The following VCPIP1 variants were observed in gnomAD, a reference collection of about 807,000 sequenced individuals.
VCPIP1 encodes deubiquitinating protein VCPIP1.
In VCPIP1, 8 loss-of-function variants were observed where a neutral mutation model predicts 85.0. The observed-to-expected ratio is 0.09, with a 90% confidence interval of 0.06 to 0.17. VCPIP1 has a LOEUF of 0.17. Ranked by LOEUF, VCPIP1 falls within the 10% of genes least tolerant of loss-of-function variation. The pLI, the probability that VCPIP1 is intolerant of heterozygous loss-of-function variation, is 1.00. For synonymous variants in VCPIP1, 543 were observed against 544.5 expected (o/e 1.00, Z 0.04); for missense variants, 1,070 against 1,486.3 (o/e 0.72, Z 4.61).
At chr8:66,641,481 C>G (rs2130153420) in intron 2 of VCPIP1, among the ~76,000 whole-genome samples, 1 of 152,254 alleles carries the variant, frequency 6.6e-6, no homozygotes, top group East Asian at 1.9e-4. Context: ...TCCACCTCAG[C>G]CTCCCAGTGC....
At chr8:66,641,006 G>A (rs894796159) in intron 2 of VCPIP1, among the ~76,000 whole-genome samples, 6 of 152,212 alleles carry the variant, frequency 3.9e-5, no homozygotes, top group African/African-American at 1.4e-4. Flanking sequence ...AGGGCACACT[G>A]TTAACACATG....
chr8:66,637,069 G>A (rs149396832), intron 2 of VCPIP1, among the ~76,000 whole-genome samples: 18 of 152,226 alleles, frequency 1.2e-4, no homozygotes, highest in African/African-American at 3.1e-4. Context: ...CCAGCCAGGC[G>A]TGGTGGCTCA....
chr8:66,664,183 T>C (rs913618635), intron 1 of VCPIP1, 66 bp downstream of exon 1: 61 of 1,432,450 alleles, frequency 4.3e-5, no homozygotes, highest in Non-Finnish European at 5.3e-5. Context: ...CCCCCAAAGA[T>C]AACAGGAAAA....
intron 2 of VCPIP1, among the ~76,000 whole-genome samples, chr8:66,644,852 C>G (rs2130158455): frequency 6.6e-6 from 1 of 151,794 alleles, no homozygotes; most frequent in South Asian, 2.1e-4. Flanking sequence ...AATCCTAGCA[C>G]TTTGGGAGGC....
chr8:66,638,936 T>TTC (rs750894538), intron 2 of VCPIP1, among the ~76,000 whole-genome samples: 3,259 of 131,602 alleles, frequency 0.025, 119 homozygotes, highest in East Asian at 0.1. Context: ...CAAGAAAACT[T>TTC]TCTCTCTCTC....
Position 66,631,927 on chromosome 8 carries a change from GTCA to G in VCPIP1, c.*2571_*2573del, listed in dbSNP as rs1171872072. ...ATCTTCAACACTACCTGGACTTTAGGTCATCAACTTAAATTTGGTATGATTAAC... is the reference window on the plus strand; with the variant it reads ...ATCTTCAACACTACCTGGACTTTAGGTCAACTTAAATTTGGTATGATTAAC... On this transcript the variant is annotated 3_prime_UTR_variant, in exon 3 of 3. Coordinates refer to ENST00000310421, the MANE Select transcript of VCPIP1 (RefSeq NM_025054.5). The G allele has an allele frequency of 5.9e-5, 9 of 152,094 alleles. No individual in the cohort carries two copies. The highest frequency in any genetic ancestry group is 2.2e-4 in the African/African-American group (9 of 41,280). The allele number at this position is 152,094 out of a possible 1,614,324, so 9.4% of individuals were successfully genotyped here.
In VCPIP1 at chr8:66,628,675, CA is replaced by C. The variant is rs1334741753; in HGVS notation, c.*5825del. 1.3e-5 allele frequency: 2 copies of C among 152,162 alleles called. No homozygotes were observed. The highest frequency in any genetic ancestry group is 4.8e-5 in the African/African-American group (2 of 41,438). 9.4% of individuals were successfully genotyped at this position (152,162 alleles called of 1,614,324 possible). Reference sequence around the variant, plus strand: ...TATTCTGATGGTATGTGACCAATGGCATGCATATACAAGACCTCAAGTCCAA... The same window carrying C: ...TATTCTGATGGTATGTGACCAATGGCTGCATATACAAGACCTCAAGTCCAA... On this transcript the variant is annotated 3_prime_UTR_variant, in exon 3 of 3. Coordinates refer to ENST00000310421, the MANE Select transcript of VCPIP1 (RefSeq NM_025054.5).
In VCPIP1 at chr8:66,664,350, T is replaced by C; in HGVS notation, c.2609A>G (p.Lys870Arg). The C allele has an allele frequency of 6.2e-7, 1 of 1,613,448 alleles. No homozygotes were observed. Among genetic ancestry groups the C allele is most frequent in the Admixed American group, 1.7e-5 (1 of 59,984 alleles). The change falls in exon 1 of 3, where the codon AAA becomes AGA. Residue 870 changes from lysine to arginine, a missense_variant. By Grantham distance (26) the Lys-to-Arg change is conservative. Coordinates refer to ENST00000310421, the MANE Select transcript of VCPIP1 (RefSeq NM_025054.5). ...ACCAGTAACAGCAATATCTTCTTGT[T>C]TCACAGTGTGGGCTGAGTGTGCTGC... ...SAAAHSAHTV[K>R]QEDIAVTGKL...
At chr8:66,652,010 C>CAAA (rs113576250) in intron 1 of VCPIP1, among the ~76,000 whole-genome samples, 1 of 73,544 alleles carries the variant, frequency 1.4e-5, no homozygotes, top group African/African-American at 4.3e-5. Flanking sequence ...TCTATCTCTA[C>CAAA]AAAAAAAAAA....
In VCPIP1 at chr8:66,664,387, C is replaced by A. The variant is rs79984281; in HGVS notation, c.2572G>T (p.Gly858Cys). The change falls in exon 1 of 3, where the codon GGT becomes TGT. Residue 858 changes from glycine to cysteine, a missense_variant. By Grantham distance (159) the Gly-to-Cys change is radical. This residue lies in a region of VCPIP1 where 278 missense variants were observed against 298.5 expected (regional missense o/e 0.93). Transcript: ENST00000310421. ...GCTGAGTGTGCTGCAGCAGACTGAC[C>A]ACCTTCAGCTTTACTTTTTAGAATT... Reference protein sequence around the residue: ...IEILKSKAEGGQSAAAHSAHT... With the variant: ...IEILKSKAEGCQSAAAHSAHT... 1,338 of 1,613,704 alleles carry A rather than the reference C, an allele frequency of 8.3e-4. 11 individuals carry two copies. The African/African-American group carries it at 0.015, about 18-fold the overall frequency.
chr8:66,649,146 G>C (rs1296540418), intron 2 of VCPIP1, among the ~76,000 whole-genome samples: 1 of 151,858 alleles, frequency 6.6e-6, no homozygotes, highest in Non-Finnish European at 1.5e-5. Flanking sequence ...CTCCAGCCTG[G>C]GCAACAGAGC....
intron 1 of VCPIP1, among the ~76,000 whole-genome samples, chr8:66,660,831 G>A (rs1019401690): frequency 6.6e-6 from 1 of 151,904 alleles, no homozygotes; most frequent in Non-Finnish European, 1.5e-5. Flanking sequence ...ATCCCCTGAG[G>A]TCGGGAGTTC....
intron 1 of VCPIP1, among the ~76,000 whole-genome samples, chr8:66,658,253 G>A (rs1313142659): frequency 6.6e-6 from 1 of 150,858 alleles, no homozygotes; most frequent in Non-Finnish European, 1.5e-5. Flanking sequence ...AGAATCGCTT[G>A]AAACTGGGAG....
At position 66,654,621 on chromosome 8, in the gene VCPIP1, G is replaced by C. The variant is rs1381084991; in HGVS notation, c.2711-3077C>G. ...AATATCTCCACTGAAGGTCATGTTT[G>C]TTGGTACCAAAATGAGGAAAAGGAT... On this transcript the variant is annotated intron_variant, in intron 1 of 2. Transcript: ENST00000310421. Among the ~76,000 whole-genome samples the C allele has an allele frequency of 3.9e-5, 6 of 152,326 alleles. No homozygotes were observed. The East Asian group carries it at 1.2e-3, about 29-fold the overall frequency.
rs1278207972 is a variant in VCPIP1 at position 66,634,005 on chromosome 8, CCACT to C, written c.*492_*495del. 1.3e-5 allele frequency: 2 copies of C among 152,096 alleles called. No individual in the cohort carries two copies. Among genetic ancestry groups the C allele is most frequent in the African/African-American group, 4.8e-5 (2 of 41,412 alleles). The allele number at this position is 152,096 out of a possible 1,614,324, so 9.4% of individuals were successfully genotyped here. A position where few individuals can be genotyped will look rare whatever the true frequency, so the allele number is the denominator to read the frequency against. On this transcript the variant is annotated 3_prime_UTR_variant, in exon 3 of 3. Transcript: ENST00000310421. ...TTACGTTCATAGAAACATTTGCATT[CCACT>C]GTCTAATAAATAATTGTATGAATTT...
intron 1 of VCPIP1, among the ~76,000 whole-genome samples, chr8:66,663,133 T>C (rs538742974): frequency 1.6e-4 from 24 of 150,614 alleles, no homozygotes; most frequent in Non-Finnish European, 3.3e-4. Flanking sequence ...AAAAGAAATA[T>C]ATAAAGTGCG....
chr8:66,645,388 C>A (rs889917393), intron 2 of VCPIP1, among the ~76,000 whole-genome samples: 7 of 151,754 alleles, frequency 4.6e-5, no homozygotes, highest in Non-Finnish European at 8.8e-5. Context: ...ACTGCACTGG[C>A]GCAATGGGCA....
At chr8:66,652,237 C>A (rs1482610764) in intron 1 of VCPIP1, among the ~76,000 whole-genome samples, 1 of 152,116 alleles carries the variant, frequency 6.6e-6, no homozygotes, top group African/African-American at 2.4e-5. Flanking sequence ...TTATGATGAA[C>A]AAAATATATC....
At chr8:66,638,344 G>A (rs1034869838) in intron 2 of VCPIP1, among the ~76,000 whole-genome samples, 1 of 151,938 alleles carries the variant, frequency 6.6e-6, no homozygotes, top group Non-Finnish European at 1.5e-5. Context: ...AAAATTAGCT[G>A]GGTGTAGTGG....
Sources: gnomAD v4.1 joint callset for allele counts (sites outside exome capture counted in the v4.1 genomes callset) on GRCh38, gnomAD v4.1.1 for gene constraint, gnomAD v4.1.1 regional missense constraint, MANE v1.5 for transcripts, NCBI Gene and HGNC (gene_info 2026-07-23, HGNC 2026-07-21) for gene names.